The following SLC24A2 variants were observed in gnomAD, a reference collection of about 807,000 sequenced individuals.
SLC24A2 encodes the protein sodium/potassium/calcium exchanger 2.
SLC24A2 carries 36 observed loss-of-function variants against 62.0 expected under a neutral mutation model. That is an observed-to-expected ratio of 0.58 (90% CI 0.44 to 0.77). The LOEUF is 0.77. Among genes scored for constraint, SLC24A2 ranks in the 30% least tolerant of loss-of-function variants. The probability of loss-of-function intolerance (pLI) is 0.00; values close to 1 mark genes in which losing one functional copy is unlikely to be tolerated. For synonymous variants in SLC24A2, 358 were observed against 294.0 expected (o/e 1.22, Z -2.23); for missense variants, 846 against 817.9 (o/e 1.03, Z -0.42).
chr9:19,861,070 C>G, the SLC24A2 span, among the ~76,000 whole-genome samples: 1 of 152,226 alleles, frequency 6.6e-6, no homozygotes, highest in South Asian at 2.1e-4. Context: ...ATTATAGAGC[C>G]CCAGGGCTTT....
the SLC24A2 span, among the ~76,000 whole-genome samples, chr9:20,207,350 T>C: frequency 6.6e-6 from 1 of 152,204 alleles, no homozygotes; most frequent in African/African-American, 2.4e-5. Flanking sequence ...CCTTGCCTCA[T>C]GCCTCATGAT....
intron 2 of SLC24A2, among the ~76,000 whole-genome samples, chr9:19,670,076 C>CA (rs1819372101): frequency 6.6e-6 from 1 of 152,184 alleles, no homozygotes; most frequent in African/African-American, 2.4e-5. Flanking sequence ...AAATCCTCAG[C>CA]ACTCTGTGAA....
At chr9:20,034,289 A>G in the SLC24A2 span, among the ~76,000 whole-genome samples, 1 of 152,138 alleles carries the variant, frequency 6.6e-6, no homozygotes, top group East Asian at 1.9e-4. Flanking sequence ...GATTTGCTCT[A>G]TGCAAATTGT....
chr9:19,602,880 C>T (rs1444089511), intron 4 of SLC24A2, among the ~76,000 whole-genome samples: 1 of 152,156 alleles, frequency 6.6e-6, no homozygotes, highest in Non-Finnish European at 1.5e-5. Flanking sequence ...CTGGCAGGCA[C>T]ATGGTAAATA....
the SLC24A2 span, among the ~76,000 whole-genome samples, chr9:20,210,947 C>T: frequency 1.3e-5 from 2 of 152,006 alleles, no homozygotes; most frequent in African/African-American, 4.8e-5. Context: ...TTAGTCTGAA[C>T]AGTCAATATA....
At chr9:19,855,352 T>C in the SLC24A2 span, among the ~76,000 whole-genome samples, 7 of 152,206 alleles carry the variant, frequency 4.6e-5, no homozygotes, top group Non-Finnish European at 2.9e-5. Context: ...CTGGTTATTT[T>C]GCAGACTTGT....
intron 7 of SLC24A2, among the ~76,000 whole-genome samples, chr9:19,572,695 T>G (rs1046987121): frequency 1.1e-4 from 16 of 152,206 alleles, no homozygotes; most frequent in African/African-American, 3.9e-4. Context: ...AGTGTGAAAA[T>G]GGACTAATAC....
chr9:20,194,298 T>A, the SLC24A2 span, among the ~76,000 whole-genome samples: 1 of 152,206 alleles, frequency 6.6e-6, no homozygotes, highest in East Asian at 1.9e-4. Context: ...CATAAACCAA[T>A]ATCTCTGGGC....
At chr9:20,012,899 A>G in the SLC24A2 span, among the ~76,000 whole-genome samples, 2 of 152,192 alleles carry the variant, frequency 1.3e-5, no homozygotes, top group East Asian at 3.8e-4. Context: ...AGAACTTGAA[A>G]AAAAAAACCA....
At chr9:20,231,424 T>C in the SLC24A2 span, among the ~76,000 whole-genome samples, 1 of 152,198 alleles carries the variant, frequency 6.6e-6, no homozygotes, top group African/African-American at 2.4e-5. Context: ...CAGTGGTTTG[T>C]AGTTCTCCTT....
the SLC24A2 span, among the ~76,000 whole-genome samples, chr9:20,118,772 A>G: frequency 1.3e-5 from 2 of 152,254 alleles, no homozygotes; most frequent in African/African-American, 2.4e-5. Context: ...ATCTCTCATG[A>G]ACATAGATGC....
intron 4 of SLC24A2, among the ~76,000 whole-genome samples, chr9:19,616,794 T>G (rs1197039867): frequency 6.6e-6 from 1 of 152,138 alleles, no homozygotes; most frequent in African/African-American, 2.4e-5. Flanking sequence ...AATTAAAGGT[T>G]CATTGGCAGA....
intron 5 of SLC24A2, among the ~76,000 whole-genome samples, chr9:19,592,467 T>C (rs148324993): frequency 1.3e-4 from 20 of 151,912 alleles, no homozygotes; most frequent in Non-Finnish European, 2.6e-4. Context: ...TTAGTTGGGA[T>C]ATCTACCGAC....
rs894063028 is a variant in SLC24A2 at position 19,507,876 on chromosome 9, C to T, written c.*8277G>A. ...AAAGGAAGCATGAGACCACGTCTAT[C>T]CTAAAAAAGATCCTTTACAAAAATG... On this transcript the variant is annotated 3_prime_UTR_variant, in exon 11 of 11. Transcript: ENST00000341998. 3 of 152,134 alleles carry T rather than the reference C, an allele frequency of 2.0e-5. No individual in the cohort carries two copies. The highest frequency in any genetic ancestry group is 6.5e-5 in the Admixed American group (1 of 15,276). 9.4% of individuals were successfully genotyped at this position (152,134 alleles called of 1,614,324 possible).
chr9:19,883,732 A>AT, the SLC24A2 span, among the ~76,000 whole-genome samples: 8 of 151,942 alleles, frequency 5.3e-5, no homozygotes, highest in Non-Finnish European at 1.2e-4. Context: ...TGCCTGGCGA[A>AT]TTTTTTGTAT....
chr9:19,824,738 C>A, the SLC24A2 span, among the ~76,000 whole-genome samples: 2 of 152,106 alleles, frequency 1.3e-5, no homozygotes, highest in East Asian at 3.9e-4. Context: ...TATTGTGGCA[C>A]TGTTCACAAT....
the SLC24A2 span, among the ~76,000 whole-genome samples, chr9:20,028,861 C>G: frequency 1.3e-5 from 2 of 152,220 alleles, no homozygotes; most frequent in Non-Finnish European, 2.9e-5. Context: ...CTTTAAACAA[C>G]CTGGCAGTAC....
the SLC24A2 span, among the ~76,000 whole-genome samples, chr9:20,211,312 A>G: frequency 6.6e-6 from 1 of 152,176 alleles, no homozygotes; most frequent in African/African-American, 2.4e-5. Context: ...CAGGAGTTCA[A>G]GACCAGCCTG....
the SLC24A2 span, among the ~76,000 whole-genome samples, chr9:20,192,947 A>G: frequency 6.6e-6 from 1 of 152,174 alleles, no homozygotes; most frequent in African/African-American, 2.4e-5. Context: ...CACTTATATT[A>G]AAAATATAAA....
Sources: allele counts gnomAD v4.1 joint callset (sites outside exome capture counted in the v4.1 genomes callset), GRCh38; gene constraint gnomAD v4.1.1; transcripts MANE v1.5; gene names NCBI Gene and HGNC (gene_info 2026-07-23, HGNC 2026-07-21).